Variants in ABLIM1 observed in about 807,000 individuals in gnomAD.
ABLIM1 encodes the protein actin binding LIM protein 1.
ABLIM1 carries 40 observed loss-of-function variants against 107.0 expected under a neutral mutation model. That is an observed-to-expected ratio of 0.37 (90% confidence interval 0.29 to 0.49). The LOEUF is 0.49. Ranked by LOEUF, ABLIM1 falls within the 20% of genes least tolerant of loss-of-function variation. The pLI, the probability that ABLIM1 is intolerant of heterozygous loss-of-function variation, is 0.97. For missense variants in ABLIM1, 857 were observed against 1,008.5 expected, an observed-to-expected ratio of 0.85 and a Z score of 2.04; for synonymous variants, 357 against 357.3, an observed-to-expected ratio of 1.00 and a Z score of 0.01.
chr10:114,730,628 T>C (rs1050672172), intron 1 of ABLIM1, among the ~76,000 whole-genome samples: 1 of 152,112 alleles, frequency 6.6e-6, no homozygotes, highest in Non-Finnish European at 1.5e-5. Context: ...TAAATATCTA[T>C]ATGATTTTTT....
intron 11 of ABLIM1, among the ~76,000 whole-genome samples, chr10:114,466,243 G>A (rs562511607): frequency 4.0e-4 from 61 of 152,196 alleles, no homozygotes; most frequent in Middle Eastern, 3.4e-3. Context: ...TCAGGAGTTC[G>A]AGGCTGCAGT....
chr10:114,695,126 A>G (rs1375968820), intron 1 of ABLIM1, among the ~76,000 whole-genome samples: 1 of 152,222 alleles, frequency 6.6e-6, no homozygotes, highest in Non-Finnish European at 1.5e-5. Context: ...ATCTCCATAC[A>G]TTATCCTAAA....
At chr10:114,530,130 T>C (rs1446006619) in intron 6 of ABLIM1, among the ~76,000 whole-genome samples, 1 of 152,232 alleles carries the variant, frequency 6.6e-6, no homozygotes, top group East Asian at 1.9e-4. Flanking sequence ...TGCACAACTC[T>C]GTAAATTTAC....
At chr10:114,572,074 T>G (rs1350941228) in intron 3 of ABLIM1, among the ~76,000 whole-genome samples, 1 of 152,252 alleles carries the variant, frequency 6.6e-6, no homozygotes, top group East Asian at 1.9e-4. Context: ...TGCAAAAATA[T>G]TGCCTTCTGC....
Position 114,547,787 on chromosome 10 carries a change from G to A in ABLIM1, c.674-11C>T. The A allele has an allele frequency of 1.9e-6, 3 of 1,605,690 alleles. No homozygotes were observed. Among genetic ancestry groups the A allele is most frequent in the Non-Finnish European group, 2.5e-6 (3 of 1,179,854 alleles). The stretch of plus-strand genomic sequence containing the variant: ...CGCAGCCGGCACAATCTGAAAAAGA[G>A]CAGCCGCCAGTGGTTACTACACATT... On this transcript the variant is annotated splice_polypyrimidine_tract_variant and intron_variant, in intron 4 of 22. Coordinates refer to ENST00000533213, the MANE Select transcript of ABLIM1 (RefSeq NM_002313.7).
intron 16 of ABLIM1, 51 bp from the exon 17 acceptor site, chr10:114,444,185 A>G (rs2060675041): frequency 1.4e-6 from 2 of 1,449,634 alleles, no homozygotes; most frequent in African/African-American, 1.4e-5. Flanking sequence ...AAAGCTTGCA[A>G]TTACTTTCAT....
intron 8 of ABLIM1, among the ~76,000 whole-genome samples, chr10:114,484,081 TCTC>T (rs1039378066): frequency 2.2e-4 from 34 of 152,202 alleles, no homozygotes; most frequent in African/African-American, 8.2e-4. Context: ...TATTTAATGT[TCTC>T]CTTCTTCTGC....
chr10:114,794,053 C>T, the ABLIM1 span, among the ~76,000 whole-genome samples: 6 of 152,144 alleles, frequency 3.9e-5, no homozygotes, highest in East Asian at 5.8e-4. Context: ...GCAGTCTGGC[C>T]GCTGCTTCTC....
At chr10:114,508,310 C>T (rs1447077004) in intron 6 of ABLIM1, among the ~76,000 whole-genome samples, 2 of 152,178 alleles carry the variant, frequency 1.3e-5, no homozygotes, top group African/African-American at 4.8e-5. Flanking sequence ...TTAATATCTC[C>T]ATTTCTCAGG....
intron 1 of ABLIM1, among the ~76,000 whole-genome samples, chr10:114,764,476 G>C (rs994754879): frequency 6.6e-6 from 1 of 152,096 alleles, no homozygotes; most frequent in African/African-American, 2.4e-5. Context: ...CGAGTAGCTG[G>C]GATTACAGGC....
chr10:114,722,508 TTAAAA>T (rs2081870511), intron 1 of ABLIM1, among the ~76,000 whole-genome samples: 1 of 152,252 alleles, frequency 6.6e-6, no homozygotes, highest in Non-Finnish European at 1.5e-5. Context: ...TAGTCATATT[TTAAAA>T]TAAAATGCTA....
intron 1 of ABLIM1, among the ~76,000 whole-genome samples, chr10:114,641,655 C>T (rs1464373465): frequency 2.0e-5 from 3 of 152,026 alleles, no homozygotes; most frequent in African/African-American, 7.2e-5. Flanking sequence ...GAGTAAGTAC[C>T]TGAAGAAGGG....
At chr10:114,784,348 A>AG in the ABLIM1 span, among the ~76,000 whole-genome samples, 144 of 124,514 alleles carry the variant, frequency 1.2e-3, no homozygotes, top group African/African-American at 3.4e-3. Context: ...TCTGTCTCAA[A>AG]AAAAGAAAGA....
At chr10:114,649,630 G>A (rs2079155153) in intron 1 of ABLIM1, among the ~76,000 whole-genome samples, 2 of 152,030 alleles carry the variant, frequency 1.3e-5, no homozygotes, top group African/African-American at 4.8e-5. Flanking sequence ...TCTTCCTGCT[G>A]GCTACCTCTA....
At position 114,566,101 on chromosome 10, in the gene ABLIM1, A is replaced by G. The variant is rs191332936; in HGVS notation, c.673+5196T>C. On this transcript the variant is annotated intron_variant, in intron 4 of 22. Transcript: ENST00000533213. ...TGAGCCACCGCGCCCGGTCGAAATG[A>G]TTTCAATTCAGTCAGACTAGAGCAT... 1.7e-3 allele frequency among the ~76,000 whole-genome samples: 257 copies of G among 152,226 alleles called. 2 individuals carry two copies. The highest frequency in any genetic ancestry group is 5.9e-3 in the African/African-American group (247 of 41,538).
intron 19 of ABLIM1, 88 bp downstream of exon 19, chr10:114,440,929 C>A: frequency 7.9e-7 from 1 of 1,261,476 alleles, no homozygotes; most frequent in Non-Finnish European, 1.1e-6. Flanking sequence ...TACAATACAG[C>A]ATGAACACAG....
the ABLIM1 span, among the ~76,000 whole-genome samples, chr10:114,794,433 A>G: frequency 6.7e-6 from 1 of 150,250 alleles, no homozygotes; most frequent in African/African-American, 2.4e-5. Context: ...GTTTTGCTGA[A>G]TGAATGAATG....
intron 2 of ABLIM1, among the ~76,000 whole-genome samples, chr10:114,584,650 T>TA (rs2073990067): frequency 1.3e-5 from 2 of 152,126 alleles, no homozygotes; most frequent in African/African-American, 4.8e-5. Flanking sequence ...TGAAAGCAAA[T>TA]ACTAAGCCTC....
chr10:114,633,593 A>G (rs2078310114), intron 1 of ABLIM1, among the ~76,000 whole-genome samples: 1 of 152,196 alleles, frequency 6.6e-6, no homozygotes, highest in African/African-American at 2.4e-5. Context: ...GTCAGCAGCC[A>G]GCTGGAGTGT....
Sources: gnomAD v4.1 joint callset for allele counts (sites outside exome capture counted in the v4.1 genomes callset) on GRCh38, gnomAD v4.1.1 for gene constraint, MANE v1.5 for transcripts, NCBI Gene and HGNC (gene_info 2026-07-23, HGNC 2026-07-21) for gene names.